Variants in DLGAP1 observed in about 807,000 individuals in gnomAD.
The protein encoded by DLGAP1 is DLG associated protein 1.
Under a neutral mutation model 90.8 loss-of-function variants are expected in DLGAP1, and 11 were observed. The observed-to-expected ratio is 0.12, with a 90% CI of 0.08 to 0.20. The LOEUF (loss-of-function observed/expected upper bound fraction) is 0.20, where lower values mean the gene tolerates loss of function less well. Among genes scored for constraint, DLGAP1 ranks in the 10% least tolerant of loss-of-function variants. The pLI, the probability that DLGAP1 is intolerant of heterozygous loss-of-function variation, is 1.00. For synonymous variants in DLGAP1, 558 were observed against 540.7 expected, an observed-to-expected ratio of 1.03 and a Z score of -0.44; for missense variants, 1,050 against 1,333.8, an observed-to-expected ratio of 0.79 and a Z score of 3.31.
At chr18:4,401,974 A>G (rs1293591775) in intron 1 of DLGAP1, among the ~76,000 whole-genome samples, 1 of 152,240 alleles carries the variant, frequency 6.6e-6, no homozygotes, top group African/African-American at 2.4e-5. Flanking sequence ...CCAGCAATCT[A>G]TATTTTAACA....
At chr18:4,017,922 G>A (rs985916087) in intron 2 of DLGAP1, among the ~76,000 whole-genome samples, 4 of 152,054 alleles carry the variant, frequency 2.6e-5, no homozygotes, top group Non-Finnish European at 5.9e-5. Context: ...GGTTGGACCA[G>A]TTAATGATTC....
At chr18:4,150,870 A>T (rs1191974973) in intron 2 of DLGAP1, among the ~76,000 whole-genome samples, 1 of 152,252 alleles carries the variant, frequency 6.6e-6, no homozygotes, top group African/African-American at 2.4e-5. Flanking sequence ...TACCTTATGT[A>T]CAATATTTGG....
At chr18:4,339,763 T>C (rs2081148485) in intron 1 of DLGAP1, among the ~76,000 whole-genome samples, 1 of 152,142 alleles carries the variant, frequency 6.6e-6, no homozygotes, top group Non-Finnish European at 1.5e-5. Flanking sequence ...AATACAGCAT[T>C]GAATAGCAAT....
At chr18:3,961,551 G>A (rs2073199031) in intron 3 of DLGAP1, among the ~76,000 whole-genome samples, 1 of 152,146 alleles carries the variant, frequency 6.6e-6, no homozygotes, top group Non-Finnish European at 1.5e-5. Flanking sequence ...ACCATACCAT[G>A]AGCAGGATAC....
chr18:3,574,733 C>T (rs560237446), intron 8 of DLGAP1, among the ~76,000 whole-genome samples: 2 of 152,132 alleles, frequency 1.3e-5, no homozygotes, highest in Admixed American at 6.5e-5. Context: ...CTTAGTGTTC[C>T]TTTACTATTT....
rs77768744 is a variant in DLGAP1 at position 4,044,262 on chromosome 18, C to A, written c.-158-39061G>T. ...GATATTTATACTCCTGGCCACCTCACACCAAGTCATCTCCATCTAAATGCT... is the reference window on the plus strand; with the variant it reads ...GATATTTATACTCCTGGCCACCTCAAACCAAGTCATCTCCATCTAAATGCT... On this transcript the variant is annotated intron_variant, in intron 2 of 12. Coordinates refer to ENST00000315677, the MANE Select transcript of DLGAP1 (RefSeq NM_004746.4). Among the ~76,000 whole-genome samples, 144 of 152,292 alleles carry A rather than the reference C, an allele frequency of 9.5e-4. 2 individuals are homozygous for A. The East Asian group carries it at 0.027, about 28-fold the overall frequency.
intron 5 of DLGAP1, among the ~76,000 whole-genome samples, chr18:3,797,893 A>G (rs1186359677): frequency 6.6e-6 from 1 of 152,150 alleles, no homozygotes; most frequent in East Asian, 1.9e-4. Flanking sequence ...AAGATAATTG[A>G]ATCATGAGGG....
Position 4,297,466 on chromosome 18 carries a change from A to G in DLGAP1, c.-266-146179T>C, listed in dbSNP as rs575050507. ...GGTAAAGATACTTAATTAGAAATATAAAATAGCTGACATTGTAACATATCC... is the reference window on the plus strand; with the variant it reads ...GGTAAAGATACTTAATTAGAAATATGAAATAGCTGACATTGTAACATATCC... On this transcript the variant is annotated intron_variant, in intron 1 of 12. Transcript: ENST00000315677. Among the ~76,000 whole-genome samples the G allele has an allele frequency of 2.0e-5, 3 of 152,370 alleles. No individual in the cohort carries two copies. In the South Asian group the frequency reaches 6.2e-4, roughly 32 times the overall value.
At chr18:3,760,586 CAGG>C (rs1314397071) in intron 5 of DLGAP1, among the ~76,000 whole-genome samples, 2 of 152,126 alleles carry the variant, frequency 1.3e-5, no homozygotes. Flanking sequence ...TTCATGATCG[CAGG>C]AGGTCTGTGT....
At chr18:4,068,013 C>A (rs1213495617) in intron 2 of DLGAP1, among the ~76,000 whole-genome samples, 3 of 152,018 alleles carry the variant, frequency 2.0e-5, no homozygotes. Context: ...TTGACTGTTT[C>A]CATTGACACA....
chr18:3,863,153 T>C (rs1019653306), intron 4 of DLGAP1, among the ~76,000 whole-genome samples: 2 of 152,220 alleles, frequency 1.3e-5, no homozygotes, highest in African/African-American at 2.4e-5. Flanking sequence ...AGAAACTGGA[T>C]TTTTATTTTT....
chr18:3,937,804 CATATAATAG>C (rs1468095426), intron 3 of DLGAP1, among the ~76,000 whole-genome samples: 16 of 152,288 alleles, frequency 1.1e-4, no homozygotes, highest in African/African-American at 3.6e-4. Flanking sequence ...GGGGTGGACA[CATATAATAG>C]CGATTAAGCG....
At chr18:4,114,859 T>C (rs1313884084) in intron 2 of DLGAP1, among the ~76,000 whole-genome samples, 1 of 152,184 alleles carries the variant, frequency 6.6e-6, no homozygotes, top group Non-Finnish European at 1.5e-5. Context: ...GTAAAATGTG[T>C]CCTGTAGAGA....
At chr18:3,602,614 A>AC (rs1568284678) in intron 7 of DLGAP1, among the ~76,000 whole-genome samples, 5 of 151,472 alleles carry the variant, frequency 3.3e-5, no homozygotes, top group African/African-American at 4.8e-5. Context: ...AAAAAAAAAA[A>AC]AACAAAGAAA....
chr18:4,448,779 T>C (rs1361055032), intron 1 of DLGAP1, among the ~76,000 whole-genome samples: 1 of 152,180 alleles, frequency 6.6e-6, no homozygotes, highest in Non-Finnish European at 1.5e-5. Context: ...TGAAAATACC[T>C]AGAAGGCTGT....
intron 1 of DLGAP1, among the ~76,000 whole-genome samples, chr18:4,319,008 A>G (rs1169825372): frequency 6.6e-6 from 1 of 152,218 alleles, no homozygotes; most frequent in Non-Finnish European, 1.5e-5. Context: ...ATGTTTTCAT[A>G]ACACAAAAAA....
intron 3 of DLGAP1, among the ~76,000 whole-genome samples, chr18:3,930,452 T>C (rs1308682831): frequency 5.9e-5 from 9 of 152,206 alleles, no homozygotes; most frequent in Non-Finnish European, 2.9e-5. Flanking sequence ...TCTACATTAG[T>C]TCATTTTTAG....
chr18:4,185,588 T>A (rs1357988864), intron 1 of DLGAP1, among the ~76,000 whole-genome samples: 1 of 152,158 alleles, frequency 6.6e-6, no homozygotes, highest in African/African-American at 2.4e-5. Context: ...ACTTGATTTC[T>A]TTCTTTTTTA....
At chr18:4,011,851 A>T (rs905764981) in intron 2 of DLGAP1, among the ~76,000 whole-genome samples, 9 of 151,994 alleles carry the variant, frequency 5.9e-5, no homozygotes, top group African/African-American at 2.2e-4. Context: ...AACAACAACA[A>T]CAACACAAAA....
Sources: allele counts gnomAD v4.1 joint callset (sites outside exome capture counted in the v4.1 genomes callset), GRCh38; gene constraint gnomAD v4.1.1; transcripts MANE v1.5; gene names NCBI Gene and HGNC (gene_info 2026-07-23, HGNC 2026-07-21).